RNF212: variants seen among roughly 807,000 people sequenced by gnomAD.
RNF212 encodes the protein ring finger protein 212, also known as probable E3 SUMO-protein ligase RNF212.
A neutral mutation model predicts 34.7 loss-of-function variants in RNF212; 33 were observed. The observed-to-expected ratio is 0.95, with a 90% CI of 0.72 to 1.27. The LOEUF is 1.27. Among genes scored for constraint, RNF212 ranks in the 50% most tolerant of loss-of-function variants. The pLI, the probability that RNF212 is intolerant of heterozygous loss-of-function variation, is 0.00. For synonymous variants in RNF212, 140 were observed against 136.1 expected, an observed-to-expected ratio of 1.03 and a Z score of -0.20; for missense variants, 377 against 362.2, an observed-to-expected ratio of 1.04 and a Z score of -0.33.
Position 1,081,479 on chromosome 4 carries a change from A to G in RNF212, c.416-12T>C, listed in dbSNP as rs1170308503. On this transcript the variant is annotated splice_polypyrimidine_tract_variant and intron_variant, in intron 6 of 9. Transcript: ENST00000433731. Reference sequence around the variant, plus strand: ...TCCGTGTGGTTTTGCTGGAAGAGTGATGACGAAAATGCCAGCGTCAGTGCA... The same window carrying G: ...TCCGTGTGGTTTTGCTGGAAGAGTGGTGACGAAAATGCCAGCGTCAGTGCA... The G allele has an allele frequency of 1.2e-6, 2 of 1,613,774 alleles. No homozygotes were observed. The highest frequency in any genetic ancestry group is 1.7e-6 in the Non-Finnish European group (2 of 1,179,744).
At chr4:1,089,870 G>A (rs1216687400) in intron 4 of RNF212, among the ~76,000 whole-genome samples, 6 of 152,176 alleles carry the variant, frequency 3.9e-5, no homozygotes, top group Admixed American at 3.9e-4. Flanking sequence ...GTTTCCTGAG[G>A]CCTTCCCAGT....
chr4:1,092,137 G>A (rs1029731127), intron 3 of RNF212, among the ~76,000 whole-genome samples: 12 of 152,362 alleles, frequency 7.9e-5, no homozygotes, highest in South Asian at 6.2e-4. Context: ...GCAGGCAAGC[G>A]CCTCTGCTTC....
chr4:1,100,542 G>A (rs571933053), intron 2 of RNF212, among the ~76,000 whole-genome samples: 1 of 151,842 alleles, frequency 6.6e-6, no homozygotes, highest in East Asian at 1.9e-4. Context: ...CAAGTAATTG[G>A]GATTACAGGC....
rs757910394 is a variant in RNF212, at chr4:1,113,488, G to T, written c.-24C>A. The T allele has an allele frequency of 1.1e-5, 17 of 1,592,134 alleles. No homozygotes were observed. Among genetic ancestry groups the T allele is most frequent in the Non-Finnish European group, 1.3e-5 (15 of 1,166,714 alleles). On this transcript the variant is annotated 5_prime_UTR_variant, in exon 1 of 10. Transcript: ENST00000433731. ...ATGCCAGGCGGGCGACCGCAGCGGC[G>T]AGGCCGGGCCCACGCGAAGCCCACG...
chr4:1,110,424 T>C (rs150710233), intron 1 of RNF212, among the ~76,000 whole-genome samples: 28 of 152,232 alleles, frequency 1.8e-4, no homozygotes, highest in African/African-American at 6.0e-4. Flanking sequence ...TCAGTTTTCA[T>C]GTGCACATCC....
chr4:1,098,554 G>T (rs1434343503), intron 2 of RNF212, among the ~76,000 whole-genome samples: 1 of 152,064 alleles, frequency 6.6e-6, no homozygotes, highest in African/African-American at 2.4e-5. Flanking sequence ...GATGGGGTAG[G>T]AGCTCCCGTG....
intron 4 of RNF212, among the ~76,000 whole-genome samples, chr4:1,087,835 C>G (rs186581731): frequency 3.9e-5 from 6 of 151,942 alleles, no homozygotes; most frequent in African/African-American, 1.2e-4. Context: ...CCTCCACCCC[C>G]TCTCCTGCCG....
intron 3 of RNF212, chr4:1,093,227 A>C: frequency 2.6e-6 from 1 of 379,190 alleles, no homozygotes; most frequent in Non-Finnish European, 4.4e-6. Flanking sequence ...TGCACTCTTA[A>C]AAGTTACTGA....
chr4:1,078,547 G>A (rs1236596080), intron 8 of RNF212, among the ~76,000 whole-genome samples: 1 of 152,170 alleles, frequency 6.6e-6, no homozygotes, highest in Non-Finnish European at 1.5e-5. Flanking sequence ...CAGAGTCCTT[G>A]GCTTTTCTGA....
downstream of RNF212, among the ~76,000 whole-genome samples, chr4:1,066,681 G>A (rs545736754): frequency 6.6e-6 from 1 of 152,270 alleles, no homozygotes; most frequent in African/African-American, 2.4e-5. Context: ...AGTTCTTTAT[G>A]TATTCTGGAT....
Position 1,056,765 on chromosome 4 carries a change from C to G in RNF212, n.221-262G>C, listed in dbSNP as rs917025335. The stretch of plus-strand genomic sequence containing the variant: ...GCTCCATGGCTGCCCTTGGCACACA[C>G]TCAGTTAAAGAGCTTCTTTACACAC... On this transcript the variant is annotated intron_variant and non_coding_transcript_variant, in intron 4 of 4. Coordinates refer to the RNF212 transcript ENST00000503206. 6.4e-5 allele frequency: 54 copies of G among 846,058 alleles called. No individual in the cohort carries two copies. In the Admixed American group the frequency reaches 1.1e-3, roughly 17 times the overall value. 52.4% of individuals were successfully genotyped at this position (846,058 alleles called of 1,614,324 possible).
intron 3 of RNF212, among the ~76,000 whole-genome samples, chr4:1,095,775 C>A (rs113107949): frequency 1.5e-5 from 1 of 65,206 alleles, no homozygotes; most frequent in Non-Finnish European, 2.7e-5. Context: ...CTCAGCATAG[C>A]GCACCTGGCT....
In RNF212 at chr4:1,072,060, G is replaced by A. The variant is rs1560097398; in HGVS notation, c.*814C>T. 6.6e-6 allele frequency: 1 copy of A among 152,182 alleles called. No individual in the cohort carries two copies. The highest frequency in any genetic ancestry group is 1.9e-4 in the East Asian group (1 of 5,204). The allele number at this position is 152,182 out of a possible 1,614,324, so 9.4% of individuals were successfully genotyped here. A position where few individuals can be genotyped will look rare whatever the true frequency, so the allele number is the denominator to read the frequency against. ...GAATGGATGAACTATGATACATCCA[G>A]ATAATGGAATATTATTCAGTGACTG... On this transcript the variant is annotated 3_prime_UTR_variant, in exon 10 of 10. Transcript: ENST00000433731.
intron 5 of RNF212, among the ~76,000 whole-genome samples, chr4:1,084,333 C>A (rs1720831192): frequency 6.6e-6 from 1 of 152,164 alleles, no homozygotes; most frequent in Non-Finnish European, 1.5e-5. Flanking sequence ...AAAGGGCTAG[C>A]TAGTAAATGT....
chr4:1,079,248 A>C (rs1340365934), intron 8 of RNF212, among the ~76,000 whole-genome samples: 1 of 152,136 alleles, frequency 6.6e-6, no homozygotes, highest in African/African-American at 2.4e-5. Flanking sequence ...ACACAGGGTC[A>C]ACACAGGACC....
chr4:1,109,342 A>C (rs1177759975), intron 1 of RNF212, among the ~76,000 whole-genome samples: 1 of 152,110 alleles, frequency 6.6e-6, no homozygotes, highest in Admixed American at 6.5e-5. Flanking sequence ...CTTAATCTAA[A>C]ATTTTTAACT....
chr4:1,093,628 C>T (rs1231519502), intron 3 of RNF212: 37 of 1,535,742 alleles, frequency 2.4e-5, no homozygotes, highest in Admixed American at 3.9e-5. Flanking sequence ...GCTGGGTCTT[C>T]TCTCCTGAGA....
chr4:1,063,158 ACT>A (rs1387011947), intron 3 of RNF212, among the ~76,000 whole-genome samples: 1 of 152,122 alleles, frequency 6.6e-6, no homozygotes, highest in East Asian at 1.9e-4. Flanking sequence ...GTGAATTAAA[ACT>A]CTACCGAGAT....
chr4:1,073,882 T>C, intron 8 of RNF212: 1 of 558,828 alleles, frequency 1.8e-6, no homozygotes, highest in South Asian at 2.5e-5. Context: ...ATTACCTGTT[T>C]GATTCCCTCT....
Sources: allele counts gnomAD v4.1 joint callset (sites outside exome capture counted in the v4.1 genomes callset), GRCh38; gene constraint gnomAD v4.1.1; transcripts MANE v1.5; gene names NCBI Gene and HGNC (gene_info 2026-07-23, HGNC 2026-07-21).